ERLIN2: variants seen among roughly 807,000 people sequenced by gnomAD.
ERLIN2 encodes the protein erlin-2.
Under a neutral mutation model 41.5 loss-of-function variants are expected in ERLIN2, and 22 were observed. That is an observed-to-expected ratio of 0.53 (90% CI 0.38 to 0.76). ERLIN2 has a LOEUF of 0.76. Ranked by LOEUF, ERLIN2 falls within the 30% of genes least tolerant of loss-of-function variation. ERLIN2 has a pLI of 0.00. For missense variants in ERLIN2, 247 were observed against 414.3 expected (o/e 0.60, Z 3.51); for synonymous variants, 149 against 150.9 (o/e 0.99, Z 0.09).
chr8:37,737,271 T>C (rs1585895664), intron 1 of ERLIN2: 1 of 157,030 alleles, frequency 6.4e-6, no homozygotes, highest in African/African-American at 2.4e-5. Flanking sequence ...AGGTGCAAAG[T>C]GCCAAAGTAT....
At chr8:37,737,874 G>A in intron 1 of ERLIN2, 34 bp from the exon 2 acceptor site, 1 of 1,612,950 alleles carries the variant, frequency 6.2e-7, no homozygotes, top group Non-Finnish European at 8.5e-7. Flanking sequence ...CCTGCACGTT[G>A]GACCACACAC....
chr8:37,743,356 G>A (rs928033124), intron 4 of ERLIN2, among the ~76,000 whole-genome samples: 4 of 152,198 alleles, frequency 2.6e-5, no homozygotes, highest in Non-Finnish European at 4.4e-5. Context: ...AACAGCAGGG[G>A]TAGTTTTGGT....
intron 6 of ERLIN2, chr8:37,747,638 C>G: frequency 6.2e-7 from 1 of 1,610,852 alleles, no homozygotes; most frequent in African/African-American, 1.3e-5. Context: ...AAGCCCTGGC[C>G]AAACTTGACG....
chr8:37,739,461 C>G (rs1422208287), intron 2 of ERLIN2, among the ~76,000 whole-genome samples: 1 of 152,000 alleles, frequency 6.6e-6, no homozygotes, highest in East Asian at 1.9e-4. Flanking sequence ...ACAGATATGA[C>G]AAAGTAAAAC....
chr8:37,750,392 C>T lies in ERLIN2; in HGVS notation c.558-3C>T. 8 of 1,611,714 alleles carry T rather than the reference C, an allele frequency of 5.0e-6. No homozygotes were observed. The highest frequency in any genetic ancestry group is 6.8e-6 in the Non-Finnish European group (8 of 1,178,458). On this transcript the variant is annotated splice_polypyrimidine_tract_variant and splice_region_variant and intron_variant, in intron 8 of 11. Coordinates refer to ENST00000519638, the MANE Select transcript of ERLIN2 (RefSeq NM_007175.8). Reference sequence around the variant, plus strand: ...CTGCCTCACGGCTTTTTCTTCTCTTCAGGGAAAGTGAGAAGACAAAGCTTC... The same window carrying T: ...CTGCCTCACGGCTTTTTCTTCTCTTTAGGGAAAGTGAGAAGACAAAGCTTC...
At position 37,754,250 on chromosome 8, in the gene ERLIN2, T is replaced by G. The variant is rs779018195; in HGVS notation, c.*135T>G. The stretch of plus-strand genomic sequence containing the variant: ...TGTGGTGAAAAAGAAGAAATGAACT[T>G]AAATCCACTCCCTTTCTAGGGAAAG... On this transcript the variant is annotated 3_prime_UTR_variant, in exon 12 of 12. Transcript: ENST00000519638. 2 of 764,556 alleles carry G rather than the reference T, an allele frequency of 2.6e-6. No homozygotes were observed. The highest frequency in any genetic ancestry group is 4.5e-6 in the Non-Finnish European group (2 of 441,178). The allele number at this position is 764,556 out of a possible 1,614,324, so 47.4% of individuals were successfully genotyped here. A position where few individuals can be genotyped will look rare whatever the true frequency, so the allele number is the denominator to read the frequency against.
chr8:37,740,353 C>T lies in ERLIN2; in HGVS notation c.108-12C>T, dbSNP rs1802806890. ...AAACTGAAGCTGCCTCTCTCTTCCC[C>T]CTCCTCTGCAGAGGCGGTGCCCTGC... is the stretch of plus-strand genomic sequence containing the variant. On this transcript the variant is annotated splice_polypyrimidine_tract_variant and intron_variant, in intron 2 of 11. Coordinates refer to ENST00000519638, the MANE Select transcript of ERLIN2 (RefSeq NM_007175.8). 1.2e-6 allele frequency: 2 copies of T among 1,607,678 alleles called. No homozygotes were observed. Among genetic ancestry groups the T allele is most frequent in the Non-Finnish European group, 1.7e-6 (2 of 1,175,258 alleles).
At chr8:37,740,047 C>G (rs1380824474) in intron 2 of ERLIN2, among the ~76,000 whole-genome samples, 1 of 152,176 alleles carries the variant, frequency 6.6e-6, no homozygotes, top group Non-Finnish European at 1.5e-5. Flanking sequence ...CTCCTGAGTT[C>G]ATGCAATCCT....
chr8:37,749,934 GC>G, intron 8 of ERLIN2, 82 bp downstream of exon 8: 1 of 1,219,734 alleles, frequency 8.2e-7, no homozygotes, highest in Non-Finnish European at 1.2e-6. Context: ...AACCAAAGCT[GC>G]CAGGCTTCTC....
intron 10 of ERLIN2, among the ~76,000 whole-genome samples, chr8:37,752,057 C>G (rs1376464063): frequency 6.6e-6 from 1 of 152,142 alleles, no homozygotes; most frequent in African/African-American, 2.4e-5. Context: ...AGTGTACTCT[C>G]AGCAGTTGGC....
intron 8 of ERLIN2, 134 bp downstream of exon 8, chr8:37,749,986 C>T: frequency 1.2e-6 from 1 of 834,200 alleles, no homozygotes; most frequent in South Asian, 1.4e-5. Context: ...GCCCATTGCA[C>T]TGTAAGATTG....
At chr8:37,748,936 A>G (rs1417989387) in intron 6 of ERLIN2, among the ~76,000 whole-genome samples, 1 of 152,244 alleles carries the variant, frequency 6.6e-6, no homozygotes, top group Admixed American at 6.5e-5. Context: ...CAAAGAAATC[A>G]GGACCAAAGC....
At chr8:37,744,853 G>A (rs753396986) in intron 6 of ERLIN2, 157 bp downstream of exon 6, 13 of 816,216 alleles carry the variant, frequency 1.6e-5, no homozygotes, top group Middle Eastern at 2.2e-4. Flanking sequence ...TCACAAAGGA[G>A]TTCATGGAGA....
In ERLIN2 at chr8:37,744,375, T is replaced by G; in HGVS notation, c.257T>G (p.Phe86Cys). 6.2e-7 allele frequency: 1 copy of G among 1,614,134 alleles called. No individual in the cohort carries two copies. Among genetic ancestry groups the G allele is most frequent in the Non-Finnish European group, 8.5e-7 (1 of 1,179,984 alleles). Reference sequence around the variant, plus strand: ...AATAGTGGTGGTGTGATGATCTACTTTGACAGAATTGAAGTGGTGAACTTC... The same window carrying G: ...AATAGTGGTGGTGTGATGATCTACTGTGACAGAATTGAAGTGGTGAACTTC... ...CGTSGGVMIYFDRIEVVNFLV... is the reference protein window; with the variant it reads ...CGTSGGVMIYCDRIEVVNFLV... The change falls in exon 5 of 12, where the codon TTT (phenylalanine) becomes TGT (cysteine). Residue 86 changes from phenylalanine (F) to cysteine (C), a missense_variant. Transcript: ENST00000519638.
intron 1 of ERLIN2, 163 bp downstream of exon 1, chr8:37,736,841 G>A: frequency 1.3e-5 from 13 of 985,910 alleles, no homozygotes; most frequent in Non-Finnish European, 1.6e-5. Flanking sequence ...TCCTCTCCTT[G>A]CGAGCCGCAG....
Position 37,753,430 on chromosome 8 carries a change from C to G in ERLIN2, c.740-20C>G, listed in dbSNP as rs1384763460. 1.9e-6 allele frequency: 3 copies of G among 1,607,310 alleles called. No individual in the cohort carries two copies. The highest frequency in any genetic ancestry group is 2.6e-6 in the Non-Finnish European group (3 of 1,174,036). On this transcript the variant is annotated intron_variant, in intron 10 of 11. Coordinates refer to ENST00000519638, the MANE Select transcript of ERLIN2 (RefSeq NM_007175.8). ...CAGTTTTAGCACTTCACCAAGTTCA[C>G]TGCACTCCTTCCCCCTCAGATGCTG...
intron 6 of ERLIN2, 118 bp downstream of exon 6, chr8:37,744,814 T>C (rs1362731032): frequency 1.8e-6 from 2 of 1,118,912 alleles, no homozygotes; most frequent in Non-Finnish European, 2.7e-6. Flanking sequence ...GGACAGGAAA[T>C]GTTAAAGAAT....
chr8:37,744,330 T>C, intron 4 of ERLIN2, 25 bp from the exon 5 acceptor site: 2 of 1,604,598 alleles, frequency 1.2e-6, no homozygotes, highest in Non-Finnish European at 1.7e-6. Flanking sequence ...TCCCAGTGAC[T>C]TCTTGTCCAT....
chr8:37,739,654 T>C (rs1802782213), intron 2 of ERLIN2, among the ~76,000 whole-genome samples: 2 of 152,050 alleles, frequency 1.3e-5, no homozygotes, highest in Non-Finnish European at 2.9e-5. Context: ...TTTGTATTTT[T>C]AGTAGAGACG....
Sources: allele counts gnomAD v4.1 joint callset (sites outside exome capture counted in the v4.1 genomes callset), GRCh38; gene constraint gnomAD v4.1.1; transcripts MANE v1.5; gene names NCBI Gene and HGNC (gene_info 2026-07-23, HGNC 2026-07-21).